The following MAML3 variants were observed in gnomAD, a reference collection of about 807,000 sequenced individuals.
MAML3 encodes mastermind-like protein 3.
In MAML3, 27 loss-of-function variants were observed where a neutral mutation model predicts 101.9. That is an observed-to-expected ratio of 0.27 (90% CI 0.20 to 0.37). The LOEUF is 0.37. Ranked by LOEUF, MAML3 falls within the 10% of genes least tolerant of loss-of-function variation. The pLI is 1.00. For synonymous variants in MAML3, 501 were observed against 555.9 expected, an observed-to-expected ratio of 0.90 and a Z score of 1.39; for missense variants, 1,316 against 1,444.9, an observed-to-expected ratio of 0.91 and a Z score of 1.45.
chr4:139,805,432 A>G (rs1206577878), intron 2 of MAML3, among the ~76,000 whole-genome samples: 1 of 152,198 alleles, frequency 6.6e-6, no homozygotes, highest in Non-Finnish European at 1.5e-5. Context: ...GGGTTTTCTC[A>G]TAGTCTAACC....
At chr4:139,731,769 C>A (rs1467916907) in intron 2 of MAML3, among the ~76,000 whole-genome samples, 3 of 152,146 alleles carry the variant, frequency 2.0e-5, no homozygotes, top group African/African-American at 7.2e-5. Flanking sequence ...GTGGTAAAGA[C>A]CTAATTCCAC....
At chr4:139,812,112 G>A (rs1244404301) in intron 2 of MAML3, among the ~76,000 whole-genome samples, 1 of 152,126 alleles carries the variant, frequency 6.6e-6, no homozygotes, top group Non-Finnish European at 1.5e-5. Context: ...AAAACTAGCT[G>A]GGTGTGGTGG....
At chr4:139,825,873 A>G (rs1731052858) in intron 2 of MAML3, among the ~76,000 whole-genome samples, 2 of 152,144 alleles carry the variant, frequency 1.3e-5, no homozygotes. Flanking sequence ...ATGTGAAGGG[A>G]GAAGAGAGGA....
In MAML3 at chr4:140,074,177, AAG is replaced by A. The variant is rs33972666; in HGVS notation, c.468+78681_468+78682del. 2.2e-3 allele frequency among the ~76,000 whole-genome samples: 120 copies of A among 53,570 alleles called. 3 individuals are homozygous for A. The highest frequency in any genetic ancestry group is 5.6e-3 in the African/African-American group (112 of 20,096). The allele number at this position is 53,570 out of a possible 152,430, so 35.1% of individuals were successfully genotyped here. On this transcript the variant is annotated intron_variant, in intron 1 of 4. Coordinates refer to ENST00000509479, the MANE Select transcript of MAML3 (RefSeq NM_018717.5). Reference sequence around the variant, plus strand: ...AAGAGAGAGAGAAAGGAAAGAAAGAAAGAGAGAGAGAGAGAAAGAAAGAGAAA... The same window carrying A: ...AAGAGAGAGAGAAAGGAAAGAAAGAAAGAGAGAGAGAGAAAGAAAGAGAAA...
intron 1 of MAML3, among the ~76,000 whole-genome samples, chr4:140,011,170 T>TAC (rs1560865825): frequency 1.1e-4 from 5 of 43,560 alleles, no homozygotes; most frequent in African/African-American, 2.0e-4. Flanking sequence ...ATATATGACA[T>TAC]ATATGTCATA....
intron 1 of MAML3, among the ~76,000 whole-genome samples, chr4:139,905,428 C>T (rs1484800001): frequency 7.3e-6 from 1 of 136,134 alleles, no homozygotes; most frequent in Non-Finnish European, 1.5e-5. Flanking sequence ...GGAGGCAGAG[C>T]TTGCTGTGAG....
intron 1 of MAML3, among the ~76,000 whole-genome samples, chr4:139,993,552 G>T (rs185577516): frequency 6.6e-6 from 1 of 150,550 alleles, no homozygotes; most frequent in Non-Finnish European, 1.5e-5. Context: ...TTGGCCTGGC[G>T]CAGTGGCTCA....
At chr4:139,895,617 G>T (rs1229474634) in intron 1 of MAML3, among the ~76,000 whole-genome samples, 1 of 152,190 alleles carries the variant, frequency 6.6e-6, no homozygotes, top group Admixed American at 6.5e-5. Context: ...CAACTGAGAA[G>T]GAATGCTTAC....
intron 1 of MAML3, among the ~76,000 whole-genome samples, chr4:140,019,938 T>G (rs574309556): frequency 2.0e-5 from 3 of 152,242 alleles, no homozygotes; most frequent in Non-Finnish European, 4.4e-5. Flanking sequence ...TCCTTATGTT[T>G]CCATCTTTCT....
intron 2 of MAML3, among the ~76,000 whole-genome samples, chr4:139,817,266 A>T (rs188908154): frequency 6.6e-6 from 1 of 152,344 alleles, no homozygotes; most frequent in Admixed American, 6.5e-5. Context: ...ACAAACAAAC[A>T]TCAAAAAACT....
intron 2 of MAML3, among the ~76,000 whole-genome samples, chr4:139,886,319 A>G (rs1167687351): frequency 1.3e-5 from 2 of 152,186 alleles, no homozygotes; most frequent in Non-Finnish European, 2.9e-5. Context: ...TTTTTTAAGT[A>G]GGGAGTTTCC....
At chr4:139,744,103 T>A (rs1729243210) in intron 2 of MAML3, among the ~76,000 whole-genome samples, 1 of 152,144 alleles carries the variant, frequency 6.6e-6, no homozygotes, top group Admixed American at 6.6e-5. Flanking sequence ...ACACCTTGGG[T>A]AGGAACCTAG....
intron 2 of MAML3, chr4:139,888,551 A>G (rs1732385801): frequency 1.9e-6 from 1 of 518,910 alleles, no homozygotes; most frequent in Non-Finnish European, 3.8e-6. Context: ...GTCAGGATGA[A>G]GAGACTGAAA....
At position 139,720,293 on chromosome 4, in the gene MAML3, C is replaced by A; in HGVS notation, c.2447G>T (p.Ser816Ile). Residue 816 changes from serine (S) to isoleucine (I), a missense_variant, in exon 5 of 5, where the codon AGC (serine) becomes ATC (isoleucine). Transcript: ENST00000509479. Reference sequence around the variant, plus strand: ...TCGCATGCTCTGGAGGGCTGCTTGGCTTCTTACGGCTGCTATATCCTGGGG... The same window carrying A: ...TCGCATGCTCTGGAGGGCTGCTTGGATTCTTACGGCTGCTATATCCTGGGG... ...GSPQDIAAVRSQAALQSMRTS... is the reference protein window; with the variant it reads ...GSPQDIAAVRIQAALQSMRTS... The A allele has an allele frequency of 6.4e-7, 1 of 1,554,294 alleles. No individual in the cohort carries two copies. Among genetic ancestry groups the A allele is most frequent in the South Asian group, 1.2e-5 (1 of 80,846 alleles).
intron 1 of MAML3, among the ~76,000 whole-genome samples, chr4:140,049,315 A>T (rs1727230800): frequency 6.6e-6 from 1 of 152,186 alleles, no homozygotes; most frequent in Non-Finnish European, 1.5e-5. Flanking sequence ...GTCACAGACA[A>T]CGCTGTGGGA....
At chr4:140,148,149 G>A (rs983799604) in intron 1 of MAML3, among the ~76,000 whole-genome samples, 1 of 152,110 alleles carries the variant, frequency 6.6e-6, no homozygotes, top group Non-Finnish European at 1.5e-5. Context: ...CTATCAGGTG[G>A]CAGAAATCCT....
At chr4:140,147,233 A>C (rs562292222) in intron 1 of MAML3, among the ~76,000 whole-genome samples, 1 of 152,268 alleles carries the variant, frequency 6.6e-6, no homozygotes, top group Non-Finnish European at 1.5e-5. Context: ...TCTTGGATGC[A>C]AGAGCGTGAT....
At chr4:140,018,464 G>A (rs913999698) in intron 1 of MAML3, among the ~76,000 whole-genome samples, 2 of 152,138 alleles carry the variant, frequency 1.3e-5, no homozygotes, top group African/African-American at 2.4e-5. Context: ...CTACATGGAA[G>A]GAATAGGAAA....
intron 1 of MAML3, among the ~76,000 whole-genome samples, chr4:139,962,620 T>C (rs1734040622): frequency 6.6e-6 from 1 of 152,184 alleles, no homozygotes; most frequent in Admixed American, 6.5e-5. Flanking sequence ...GCAAGAAAGA[T>C]AGGGATAGGG....
Sources: gnomAD v4.1 joint callset for allele counts (sites outside exome capture counted in the v4.1 genomes callset) on GRCh38, gnomAD v4.1.1 for gene constraint, MANE v1.5 for transcripts, NCBI Gene and HGNC (gene_info 2026-07-23, HGNC 2026-07-21) for gene names.